The following GRM8 variants were observed in gnomAD, a reference collection of about 807,000 sequenced individuals.
The protein encoded by GRM8 is glutamate metabotropic receptor 8.
GRM8 carries 47 observed loss-of-function variants against 87.2 expected under a neutral mutation model. The ratio of observed to expected loss-of-function variants is 0.54; its 90% CI spans 0.43 to 0.69. The LOEUF (loss-of-function observed/expected upper bound fraction) is 0.69. GRM8 is among the 30% of genes least tolerant of loss of function. GRM8 has a pLI of 0.00. For synonymous variants in GRM8, 396 were observed against 404.5 expected, an observed-to-expected ratio of 0.98 and a Z score of 0.25; for missense variants, 1,019 against 1,139.2, an observed-to-expected ratio of 0.89 and a Z score of 1.52.
intron 9 of GRM8, among the ~76,000 whole-genome samples, chr7:126,448,019 C>G (rs1802210246): frequency 6.6e-6 from 1 of 151,934 alleles, no homozygotes; most frequent in South Asian, 2.1e-4. Context: ...TTTAAGCAAC[C>G]TATTATTTTA....
chr7:127,017,716 G>A (rs2132182838), intron 3 of GRM8, among the ~76,000 whole-genome samples: 1 of 152,058 alleles, frequency 6.6e-6, no homozygotes, highest in East Asian at 1.9e-4. Flanking sequence ...ACTGAAACCT[G>A]AGTAAGAAAA....
chr7:127,247,840 G>A (rs953036468), intron 1 of GRM8, among the ~76,000 whole-genome samples: 1 of 152,156 alleles, frequency 6.6e-6, no homozygotes, highest in Non-Finnish European at 1.5e-5. Context: ...TCAGAGCAAG[G>A]CTTTGCCAAC....
At chr7:127,238,841 T>A (rs1798131983) in intron 2 of GRM8, among the ~76,000 whole-genome samples, 1 of 152,222 alleles carries the variant, frequency 6.6e-6, no homozygotes, top group South Asian at 2.1e-4. Flanking sequence ...GAGGTGGCTA[T>A]CCACTAAGTG....
chr7:127,227,938 C>T (rs555869783), intron 2 of GRM8, among the ~76,000 whole-genome samples: 49 of 152,274 alleles, frequency 3.2e-4, no homozygotes, highest in Non-Finnish European at 5.0e-4. Context: ...CAGCGATATA[C>T]GGAGAGTATG....
chr7:126,929,494 C>T (rs1441427936), intron 3 of GRM8, among the ~76,000 whole-genome samples: 1 of 151,990 alleles, frequency 6.6e-6, no homozygotes, highest in Non-Finnish European at 1.5e-5. Context: ...AGTGCAGTGG[C>T]GCGACCCCGG....
chr7:126,470,953 A>AT (rs1242410838), intron 9 of GRM8, among the ~76,000 whole-genome samples: 3 of 152,022 alleles, frequency 2.0e-5, no homozygotes, highest in Non-Finnish European at 1.5e-5. Flanking sequence ...GATGATGAGC[A>AT]TTTTTTCATG....
chr7:126,920,672 A>G (rs1450336716), intron 3 of GRM8, among the ~76,000 whole-genome samples: 1 of 152,158 alleles, frequency 6.6e-6, no homozygotes, highest in East Asian at 1.9e-4. Context: ...AAGATCAGAG[A>G]GTCATTTTCT....
chr7:126,719,561 G>A (rs190731333), intron 7 of GRM8, among the ~76,000 whole-genome samples: 1 of 152,284 alleles, frequency 6.6e-6, no homozygotes, highest in East Asian at 1.9e-4. Flanking sequence ...GTAAGTCTGT[G>A]AGAGTCAACA....
chr7:126,696,876 C>T (rs888040712), intron 7 of GRM8, among the ~76,000 whole-genome samples: 9 of 152,068 alleles, frequency 5.9e-5, no homozygotes, highest in African/African-American at 1.9e-4. Flanking sequence ...TGGTTATACA[C>T]CCAAAAGGAA....
At chr7:127,144,892 C>T (rs1216435495) in intron 2 of GRM8, among the ~76,000 whole-genome samples, 1 of 151,962 alleles carries the variant, frequency 6.6e-6, no homozygotes, top group Admixed American at 6.6e-5. Flanking sequence ...TGCTAATTTC[C>T]TACAGATCGG....
At chr7:127,194,760 A>G (rs557424541) in intron 2 of GRM8, among the ~76,000 whole-genome samples, 1 of 152,298 alleles carries the variant, frequency 6.6e-6, no homozygotes, top group Non-Finnish European at 1.5e-5. Flanking sequence ...AAGACATCAG[A>G]GAAATCAGCC....
chr7:126,682,207 A>G (rs1324886981), intron 7 of GRM8, among the ~76,000 whole-genome samples: 1 of 152,218 alleles, frequency 6.6e-6, no homozygotes, highest in African/African-American at 2.4e-5. Flanking sequence ...AGAGATAGAA[A>G]TTATGTATTA....
At chr7:126,935,542 G>T (rs533665923) in intron 3 of GRM8, among the ~76,000 whole-genome samples, 1 of 152,292 alleles carries the variant, frequency 6.6e-6, no homozygotes, top group Non-Finnish European at 1.5e-5. Flanking sequence ...ACATGGGGGA[G>T]GAGAAGAACA....
At chr7:127,173,396 A>T (rs531892761) in intron 2 of GRM8, among the ~76,000 whole-genome samples, 34 of 152,152 alleles carry the variant, frequency 2.2e-4, no homozygotes, top group Non-Finnish European at 3.8e-4. Flanking sequence ...AGCAAAGGTC[A>T]TGGGGAAGGG....
At chr7:126,610,307 C>T (rs942418921) in intron 7 of GRM8, among the ~76,000 whole-genome samples, 7 of 152,210 alleles carry the variant, frequency 4.6e-5, no homozygotes, top group Admixed American at 2.0e-4. Flanking sequence ...TCTAGCTTCA[C>T]TATCTATACA....
At chr7:127,244,923 C>G (rs1176811623) in intron 1 of GRM8, among the ~76,000 whole-genome samples, 4 of 152,182 alleles carry the variant, frequency 2.6e-5, no homozygotes, top group African/African-American at 9.7e-5. Context: ...TTCTGTGCAG[C>G]CTAAGACAAG....
chr7:126,473,622 G>C (rs865895509), intron 9 of GRM8, among the ~76,000 whole-genome samples: 1 of 152,152 alleles, frequency 6.6e-6, no homozygotes. Context: ...TGTTGGGAAG[G>C]CATAGTTAGT....
intron 3 of GRM8, among the ~76,000 whole-genome samples, chr7:126,939,961 G>A (rs145252975): frequency 2.5e-4 from 38 of 152,326 alleles, no homozygotes; most frequent in African/African-American, 7.2e-4. Context: ...CAAACTAAAA[G>A]TATATCTGCA....
intron 3 of GRM8, among the ~76,000 whole-genome samples, chr7:127,050,058 G>A (rs1392611233): frequency 6.6e-6 from 1 of 152,180 alleles, no homozygotes; most frequent in Non-Finnish European, 1.5e-5. Context: ...ACTTAGGAAG[G>A]ATTTTTAGCA....
Sources: allele counts gnomAD v4.1 joint callset (sites outside exome capture counted in the v4.1 genomes callset), GRCh38; gene constraint gnomAD v4.1.1; transcripts MANE v1.5; gene names NCBI Gene and HGNC (gene_info 2026-07-23, HGNC 2026-07-21).